The following CSMD1 variants were observed in gnomAD, a reference collection of about 807,000 sequenced individuals.
CSMD1 encodes CUB and sushi domain-containing protein 1.
CSMD1 carries 213 observed loss-of-function variants against 417.5 expected under a neutral mutation model. The ratio of observed to expected loss-of-function variants is 0.51; its 90% CI spans 0.46 to 0.57. CSMD1 has a LOEUF of 0.57. Among genes scored for constraint, CSMD1 ranks in the 20% least tolerant of loss-of-function variants. CSMD1 has a pLI of 0.00. For synonymous variants in CSMD1, 2,862 were observed against 1,736.8 expected (o/e 1.65, Z -16.11); for missense variants, 6,923 against 4,529.7 (o/e 1.53, Z -15.17).
intron 3 of CSMD1, among the ~76,000 whole-genome samples, chr8:4,251,626 C>T (rs555896018): frequency 1.3e-5 from 2 of 152,300 alleles, no homozygotes; most frequent in African/African-American, 4.8e-5. Context: ...GGATATTACA[C>T]ACTGGCAGCT....
intron 1 of CSMD1, among the ~76,000 whole-genome samples, chr8:4,826,309 A>ATG (rs963878630): frequency 5.9e-5 from 9 of 151,832 alleles, no homozygotes; most frequent in African/African-American, 9.7e-5. Flanking sequence ...GTGTGTATAT[A>ATG]TGTGTGTGTG....
intron 5 of CSMD1, among the ~76,000 whole-genome samples, chr8:3,960,207 G>T (rs897696914): frequency 1.3e-5 from 2 of 152,104 alleles, no homozygotes; most frequent in African/African-American, 2.4e-5. Context: ...TTCAATCATG[G>T]AATCTATTTC....
intron 2 of CSMD1, among the ~76,000 whole-genome samples, chr8:4,615,331 C>T (rs1441892622): frequency 6.6e-6 from 1 of 152,148 alleles, no homozygotes; most frequent in African/African-American, 2.4e-5. Flanking sequence ...ACCCAGAAAA[C>T]TCTCAGACAC....
chr8:3,583,049 A>C (rs889473232), intron 9 of CSMD1, among the ~76,000 whole-genome samples: 1 of 152,118 alleles, frequency 6.6e-6, no homozygotes, highest in African/African-American at 2.4e-5. Context: ...AATTTCCCTT[A>C]CAGAGCAACT....
chr8:3,121,546 A>G (rs941902464), intron 41 of CSMD1, among the ~76,000 whole-genome samples: 3 of 152,166 alleles, frequency 2.0e-5, no homozygotes, highest in African/African-American at 7.2e-5. Context: ...CAGCCTCTGA[A>G]ACCCAGAAAC....
At chr8:4,411,824 CTTTTAT>C (rs1261593829) in intron 3 of CSMD1, among the ~76,000 whole-genome samples, 1 of 152,110 alleles carries the variant, frequency 6.6e-6, no homozygotes, top group African/African-American at 2.4e-5. Context: ...TATGCAAATA[CTTTTAT>C]TTATATTTTT....
intron 5 of CSMD1, among the ~76,000 whole-genome samples, chr8:3,943,890 T>A (rs952984935): frequency 4.6e-5 from 7 of 152,140 alleles, no homozygotes; most frequent in African/African-American, 1.7e-4. Context: ...GGCAGCTAAA[T>A]GCAACCTGTG....
chr8:4,865,674 T>G (rs1035071276), intron 1 of CSMD1, among the ~76,000 whole-genome samples: 1 of 151,890 alleles, frequency 6.6e-6, no homozygotes, highest in South Asian at 2.1e-4. Context: ...TTTATAATCA[T>G]TGGGAGGGGT....
chr8:3,626,989 A>G (rs532795027), intron 7 of CSMD1, among the ~76,000 whole-genome samples: 1 of 151,902 alleles, frequency 6.6e-6, no homozygotes, highest in African/African-American at 2.4e-5. Context: ...CCATAGTACG[A>G]TATATAAAAG....
chr8:4,086,162 T>C (rs963076553), intron 3 of CSMD1, among the ~76,000 whole-genome samples: 2 of 152,158 alleles, frequency 1.3e-5, no homozygotes, highest in African/African-American at 4.8e-5. Context: ...TTTCAAAAAG[T>C]GCATATAAGT....
At chr8:3,652,842 A>G (rs752580174) in intron 7 of CSMD1, among the ~76,000 whole-genome samples, 1 of 152,218 alleles carries the variant, frequency 6.6e-6, no homozygotes, top group Non-Finnish European at 1.5e-5. Context: ...TCACTACCGT[A>G]TTGGCAGAAC....
chr8:4,917,308 G>A (rs79743708), intron 1 of CSMD1, among the ~76,000 whole-genome samples: 3,098 of 152,172 alleles, frequency 0.02, 113 homozygotes, highest in African/African-American at 0.07. Context: ...CTCCAATCAG[G>A]CCCCACCTTC....
intron 7 of CSMD1, among the ~76,000 whole-genome samples, chr8:3,683,259 C>G (rs1799761491): frequency 6.6e-6 from 1 of 151,558 alleles, no homozygotes; most frequent in Non-Finnish European, 1.5e-5. Context: ...AAAATAAAGA[C>G]AGTGACCCCT....
rs114471335 is a variant in CSMD1, at chr8:4,639,040, C to A, written c.86-1482G>T. On this transcript the variant is annotated intron_variant, in intron 1 of 69. Coordinates refer to ENST00000635120, the MANE Select transcript of CSMD1 (RefSeq NM_033225.6). ...TGGGAGATTAGTAACAGCTGCACAC[C>A]TGACCCACCTATTCTATTTTTACCA... Among the ~76,000 whole-genome samples the A allele has an allele frequency of 7.6e-4, 115 of 152,272 alleles. 1 individual carries two copies. Among genetic ancestry groups the A allele is most frequent in the African/African-American group, 2.7e-3 (114 of 41,554 alleles).
chr8:3,613,245 T>A (rs375252752), intron 8 of CSMD1: 1 of 424,542 alleles, frequency 2.4e-6, no homozygotes, highest in African/African-American at 2.1e-5. Context: ...AGCCTGTAAG[T>A]AGAAAAGAAA....
intron 6 of CSMD1, among the ~76,000 whole-genome samples, chr8:3,717,598 CT>C (rs1801913769): frequency 6.6e-6 from 1 of 152,116 alleles, no homozygotes; most frequent in Non-Finnish European, 1.5e-5. Context: ...GAAAATGTAA[CT>C]GTGTAAACCC....
At chr8:3,627,267 C>G (rs1796539462) in intron 7 of CSMD1, among the ~76,000 whole-genome samples, 1 of 152,074 alleles carries the variant, frequency 6.6e-6, no homozygotes, top group Non-Finnish European at 1.5e-5. Context: ...CTGTTCATGC[C>G]CATTTTGAAA....
chr8:3,498,433 G>C (rs557641927), intron 10 of CSMD1, among the ~76,000 whole-genome samples: 1 of 152,270 alleles, frequency 6.6e-6, no homozygotes, highest in Non-Finnish European at 1.5e-5. Flanking sequence ...AGAGAAGGAA[G>C]AATTGTCTTT....
intron 23 of CSMD1, among the ~76,000 whole-genome samples, chr8:3,308,975 C>G (rs1361021548): frequency 1.3e-5 from 2 of 152,094 alleles, no homozygotes; most frequent in Non-Finnish European, 2.9e-5. Flanking sequence ...TCCACCCCCT[C>G]AGCCTCCCAA....
Sources: gnomAD v4.1 joint callset for allele counts (sites outside exome capture counted in the v4.1 genomes callset) on GRCh38, gnomAD v4.1.1 for gene constraint, MANE v1.5 for transcripts, NCBI Gene and HGNC (gene_info 2026-07-23, HGNC 2026-07-21) for gene names.